Variants in RBM20 observed in about 807,000 individuals in gnomAD.
The protein encoded by RBM20 is RNA-binding protein 20.
In RBM20, 51 loss-of-function variants were observed where a neutral mutation model predicts 110.1. The ratio of observed to expected loss-of-function variants is 0.46; its 90% CI spans 0.37 to 0.59. RBM20 has a LOEUF of 0.59. Ranked by LOEUF, RBM20 falls within the 20% of genes least tolerant of loss-of-function variation. RBM20 has a pLI of 0.00. For missense variants in RBM20, 1,512 were observed against 1,574.9 expected (o/e 0.96, Z 0.68); for synonymous variants, 589 against 618.2 (o/e 0.95, Z 0.70).
chr10:110,746,312 A>G (rs1013150508), intron 1 of RBM20, among the ~76,000 whole-genome samples: 11 of 152,206 alleles, frequency 7.2e-5, no homozygotes, highest in Admixed American at 1.3e-4. Context: ...CCCAGATTCA[A>G]AGGATAGGGA....
rs781166982 is a variant in RBM20, at chr10:110,812,782, C to A, written c.2385C>A (p.His795Gln). The change falls in exon 9 of 14, where the codon CAC (histidine) becomes CAA (glutamine). Residue 795 changes from histidine to glutamine, a missense_variant. By Grantham distance (24) the His-to-Gln change is conservative. Coordinates refer to ENST00000369519, the MANE Select transcript of RBM20 (RefSeq NM_001134363.3). ...KDEARLRESR[H>Q]PHPDDSGKED... Reference sequence around the variant, plus strand: ...AGGCCAGGCTGCGGGAAAGCAGACACCCCCATCCGGATGACTCAGGCAAGG... The same window carrying A: ...AGGCCAGGCTGCGGGAAAGCAGACAACCCCATCCGGATGACTCAGGCAAGG... 1.3e-6 allele frequency: 2 copies of A among 1,551,412 alleles called. No homozygotes were observed. Among genetic ancestry groups the A allele is most frequent in the South Asian group, 2.4e-5 (2 of 84,052 alleles).
intron 1 of RBM20, among the ~76,000 whole-genome samples, chr10:110,730,613 T>C (rs532732194): frequency 6.6e-6 from 1 of 152,358 alleles, no homozygotes; most frequent in East Asian, 1.9e-4. Flanking sequence ...ATCTGTAAAA[T>C]GGGCAGAATG....
intron 7 of RBM20, among the ~76,000 whole-genome samples, 194 bp from the exon 8 acceptor site, chr10:110,810,189 C>T (rs939063024): frequency 1.3e-5 from 2 of 152,214 alleles, no homozygotes; most frequent in African/African-American, 4.8e-5. Flanking sequence ...TCAGTGTTCT[C>T]TGGGCCACAC....
intron 7 of RBM20, among the ~76,000 whole-genome samples, chr10:110,800,399 G>A (rs1246632738): frequency 6.6e-6 from 1 of 152,220 alleles, no homozygotes; most frequent in Admixed American, 6.5e-5. Context: ...TCAGAACTCA[G>A]GGATGCATTC....
Position 110,797,542 on chromosome 10 carries a change from A to T in RBM20, c.1562A>T (p.His521Leu). Residue 521 changes from histidine (H) to leucine (L), a missense_variant, in exon 6 of 14, where the codon CAC becomes CTC. By Grantham distance (99) the His-to-Leu change is moderately conservative. Coordinates refer to ENST00000369519, the MANE Select transcript of RBM20 (RefSeq NM_001134363.3). ...AQRKGAGRVV[H>L]ICNLPEGSCT... The stretch of plus-strand genomic sequence containing the variant: ...CGGAAAGGGGCTGGCCGTGTGGTGC[A>T]CATCTGCAATCTCCCTGAAGGAAGC... The T allele has an allele frequency of 6.4e-7, 1 of 1,551,658 alleles. No homozygotes were observed.
chr10:110,830,047 C>T (rs1845029619), intron 12 of RBM20, among the ~76,000 whole-genome samples: 1 of 152,254 alleles, frequency 6.6e-6, no homozygotes, highest in African/African-American at 2.4e-5. Context: ...GCCTGGTAAA[C>T]AGGGCATGTG....
At chr10:110,763,751 C>CTTTTTTTTTTTTTTT (rs56845100) in intron 1 of RBM20, among the ~76,000 whole-genome samples, 1 of 64,384 alleles carries the variant, frequency 1.6e-5, no homozygotes, top group African/African-American at 6.3e-5. Context: ...GGCTTCTTGG[C>CTTTTTTTTTTTTTTT]TTTTTTTTTT....
chr10:110,713,625 A>G (rs1000356896), intron 1 of RBM20, among the ~76,000 whole-genome samples: 2 of 152,224 alleles, frequency 1.3e-5, no homozygotes, highest in African/African-American at 4.8e-5. Flanking sequence ...TTACTGGCAA[A>G]TTAAAGAATA....
rs1309472868 is a variant in RBM20 at position 110,781,055 on chromosome 10, A to G, written c.446A>G (p.His149Arg). 1.3e-6 allele frequency: 2 copies of G among 1,551,742 alleles called. No homozygotes were observed. Among genetic ancestry groups the G allele is most frequent in the Non-Finnish European group, 8.7e-7 (1 of 1,147,018 alleles). Residue 149 changes from histidine to arginine, a missense_variant, in exon 2 of 14, where the codon CAT becomes CGT. Physicochemically the swap from His to Arg is conservative, Grantham distance 29. Coordinates refer to ENST00000369519, the MANE Select transcript of RBM20 (RefSeq NM_001134363.3). ...TCTGTGATCACTGGCCCCCACGGCC[A>G]TGCTGGGGTTCCCCAACATGCTGCA... is the stretch of plus-strand genomic sequence containing the variant. The part of the protein sequence containing the change: ...HPSVITGPHG[H>R]AGVPQHAAAI...
At position 110,821,958 on chromosome 10, in the gene RBM20, C is replaced by CG. The variant is rs1564664812; in HGVS notation, c.3316+26dup. On this transcript the variant is annotated intron_variant, in intron 11 of 13. Coordinates refer to ENST00000369519, the MANE Select transcript of RBM20 (RefSeq NM_001134363.3). ...CGGGTAACTATCTCCCCTTTCCTCACGGGTGGTCGGGTTGATTGGACTCCT... is the reference window on the plus strand; with the variant it reads ...CGGGTAACTATCTCCCCTTTCCTCACGGGGTGGTCGGGTTGATTGGACTCCT... 1.9e-6 allele frequency: 3 copies of CG among 1,550,204 alleles called. No individual in the cohort carries two copies. The East Asian group carries it at 7.3e-5, about 38-fold the overall frequency.
chr10:110,780,454 C>A (rs80253105), intron 1 of RBM20, among the ~76,000 whole-genome samples: 1 of 152,186 alleles, frequency 6.6e-6, no homozygotes, highest in African/African-American at 2.4e-5. Flanking sequence ...AAGCTGTATG[C>A]GTTGATTATC....
At position 110,679,619 on chromosome 10, in the gene RBM20, G is replaced by A. The variant is rs142211033; in HGVS notation, c.191+34974G>A. On this transcript the variant is annotated intron_variant, in intron 1 of 13. Transcript: ENST00000369519. ...TTTTGGTTTCCTGCTTATGGTGTCT[G>A]CCTCATGGGGTTGTTTTGAAAATCA... Among the ~76,000 whole-genome samples, 3 of 152,354 alleles carry A rather than the reference G, an allele frequency of 2.0e-5. No homozygotes were observed. In the East Asian group the frequency reaches 5.8e-4, roughly 29 times the overall value.
chr10:110,790,409 A>G (rs1015054456), intron 5 of RBM20, among the ~76,000 whole-genome samples: 1 of 152,242 alleles, frequency 6.6e-6, no homozygotes, highest in African/African-American at 2.4e-5. Flanking sequence ...AGACCTGGGT[A>G]GGTTTTGTTT....
chr10:110,652,530 A>T (rs1436372281), intron 1 of RBM20, among the ~76,000 whole-genome samples: 1 of 152,206 alleles, frequency 6.6e-6, no homozygotes, highest in African/African-American at 2.4e-5. Context: ...CAACAGAAGG[A>T]GTAGACATTT....
At chr10:110,717,275 A>T (rs1252348750) in intron 1 of RBM20, among the ~76,000 whole-genome samples, 1 of 152,150 alleles carries the variant, frequency 6.6e-6, no homozygotes, top group African/African-American at 2.4e-5. Flanking sequence ...CTACACCCTC[A>T]TTCTTTCCTA....
intron 1 of RBM20, among the ~76,000 whole-genome samples, chr10:110,655,245 C>CT (rs923267470): frequency 2.6e-5 from 4 of 151,990 alleles, no homozygotes; most frequent in African/African-American, 9.7e-5. Flanking sequence ...CCAATTAAAA[C>CT]TTTTTTTTCC....
At chr10:110,668,551 C>A (rs1038643983) in intron 1 of RBM20, among the ~76,000 whole-genome samples, 18 of 151,756 alleles carry the variant, frequency 1.2e-4, no homozygotes, top group African/African-American at 4.4e-4. Context: ...GCAGAAATTG[C>A]GAATGGCCCC....
chr10:110,709,562 CTTTTTTT>C (rs10713170), intron 1 of RBM20, among the ~76,000 whole-genome samples: 3 of 135,466 alleles, frequency 2.2e-5, no homozygotes, highest in South Asian at 2.4e-4. Context: ...GTGATAATTT[CTTTTTTT>C]TTTTTTTTTT....
chr10:110,784,332 C>T lies in RBM20; in HGVS notation c.1338-9C>T, dbSNP rs1564845243. On this transcript the variant is annotated splice_polypyrimidine_tract_variant and intron_variant, in intron 3 of 13. Transcript: ENST00000369519. ...TAAGGAGCCGGTTTCCCTTTCTCGCCCTCTCCAGTGCTGGCATCCGGTGTA... is the reference window on the plus strand; with the variant it reads ...TAAGGAGCCGGTTTCCCTTTCTCGCTCTCTCCAGTGCTGGCATCCGGTGTA... 2.6e-6 allele frequency: 4 copies of T among 1,546,764 alleles called. 1 individual carries two copies. In the Middle Eastern group the frequency reaches 5.5e-4, roughly 213 times the overall value.
Sources: allele counts gnomAD v4.1 joint callset (sites outside exome capture counted in the v4.1 genomes callset), GRCh38; gene constraint gnomAD v4.1.1; transcripts MANE v1.5; gene names NCBI Gene and HGNC (gene_info 2026-07-23, HGNC 2026-07-21).